TFCP2L1: variants seen among roughly 807,000 people sequenced by gnomAD.
The protein encoded by TFCP2L1 is transcription factor CP2-like protein 1.
TFCP2L1 carries 12 observed loss-of-function variants against 72.2 expected under a neutral mutation model. That is an observed-to-expected ratio of 0.17 (90% CI 0.11 to 0.27). TFCP2L1 has a LOEUF of 0.27. Among genes scored for constraint, TFCP2L1 ranks in the 10% least tolerant of loss-of-function variants. The pLI is 1.00. For synonymous variants in TFCP2L1, 260 were observed against 251.0 expected (o/e 1.04, Z -0.34); for missense variants, 488 against 624.6 (o/e 0.78, Z 2.33).
At chr2:121,278,577 T>C (rs1465394941) in intron 2 of TFCP2L1, among the ~76,000 whole-genome samples, 1 of 150,294 alleles carries the variant, frequency 6.7e-6, no homozygotes, top group East Asian at 2.0e-4. Flanking sequence ...TCCCAGCTAC[T>C]TGGGAGGCTG....
intron 6 of TFCP2L1, among the ~76,000 whole-genome samples, chr2:121,243,505 C>T (rs1486597978): frequency 6.6e-6 from 1 of 152,166 alleles, no homozygotes; most frequent in Non-Finnish European, 1.5e-5. Context: ...GGTGAGTGAG[C>T]GAAGCTTCAT....
chr2:121,242,990 G>C (rs77211885), intron 6 of TFCP2L1, among the ~76,000 whole-genome samples: 3,120 of 152,030 alleles, frequency 0.021, 95 homozygotes, highest in African/African-American at 0.07. Context: ...AACTTTCAAA[G>C]GGTGTACAGG....
At chr2:121,226,724 T>TA (rs926878396) in intron 13 of TFCP2L1, among the ~76,000 whole-genome samples, 3 of 152,276 alleles carry the variant, frequency 2.0e-5, no homozygotes, top group East Asian at 3.9e-4. Flanking sequence ...GCCCTATCTG[T>TA]AAAACAGGGC....
In TFCP2L1 at chr2:121,234,379, C is replaced by A. The variant is rs897659675; in HGVS notation, c.1095-185G>T. The A allele has an allele frequency of 1.2e-5, 7 of 591,086 alleles. No homozygotes were observed. The African/African-American group carries it at 1.3e-4, about 11-fold the overall frequency. 36.6% of individuals were successfully genotyped at this position (591,086 alleles called of 1,614,324 possible). A position where few individuals can be genotyped will look rare whatever the true frequency, so the allele number is the denominator to read the frequency against. On this transcript the variant is annotated intron_variant, in intron 11 of 14. Coordinates refer to ENST00000263707, the MANE Select transcript of TFCP2L1 (RefSeq NM_014553.3). The stretch of plus-strand genomic sequence containing the variant: ...AGGTCCCGCAGCCTGCCAAGGGGCA[C>A]TCTGCCCCAGACCATGAAGCTCAAC...
At position 121,240,551 on chromosome 2, in the gene TFCP2L1, T is replaced by C. The variant is rs982741955; in HGVS notation, c.769-902A>G. ...CCAAGGAGGAAAGCTGAACAGCTGATAGAAGTGGCAGCCGGTGCCTCCCAG... is the reference window on the plus strand; with the variant it reads ...CCAAGGAGGAAAGCTGAACAGCTGACAGAAGTGGCAGCCGGTGCCTCCCAG... On this transcript the variant is annotated intron_variant, in intron 7 of 14. Coordinates refer to ENST00000263707, the MANE Select transcript of TFCP2L1 (RefSeq NM_014553.3). 4.7e-5 allele frequency: 46 copies of C among 985,322 alleles called. No individual in the cohort carries two copies. The African/African-American group carries it at 5.8e-4, about 12-fold the overall frequency. 61.0% of individuals were successfully genotyped at this position (985,322 alleles called of 1,614,324 possible).
chr2:121,239,408 G>A (rs1234512355), intron 8 of TFCP2L1, 150 bp downstream of exon 8: 9 of 841,564 alleles, frequency 1.1e-5, no homozygotes, highest in Non-Finnish European at 1.5e-5. Context: ...TAAAAGTTGT[G>A]TAAATGCTGA....
chr2:121,246,890 C>T lies in TFCP2L1; in HGVS notation c.585G>A (p.Thr195=), dbSNP rs148066295. Residue 195 remains threonine, a synonymous_variant, in exon 6 of 15, where the codon ACG becomes ACA. Transcript: ENST00000263707. ...ACTCCCCATTCTCGTTCTGCTTAAACGTGTCAATCTGGACTCGAAAGGGCA... is the reference window on the plus strand; with the variant it reads ...ACTCCCCATTCTCGTTCTGCTTAAATGTGTCAATCTGGACTCGAAAGGGCA... The part of the protein sequence containing the change: ...KGVPFRVQID[T]FKQNENGEYT... 1.2e-3 allele frequency: 1,940 copies of T among 1,614,168 alleles called. 3 individuals are homozygous for T. Among genetic ancestry groups the T allele is most frequent in the Non-Finnish European group, 1.5e-3 (1,777 of 1,180,016 alleles).
Position 121,246,945 on chromosome 2 carries a change from G to A in TFCP2L1, c.530C>T (p.Thr177Ile). ...CTTCTCGCCCCCGTGCTTCCTGGGG[G>A]TGAATTCTGTGCTGATGCAGTGTAC... ...IQVHCISTEFTPRKHGGEKGV... is the reference protein window; with the variant it reads ...IQVHCISTEFIPRKHGGEKGV... The change falls in exon 6 of 15, where the codon ACC becomes ATC. Residue 177 changes from threonine to isoleucine, a missense_variant. Thr to Ile is a moderately conservative substitution (Grantham distance 89). Transcript: ENST00000263707. 6.2e-7 allele frequency: 1 copy of A among 1,614,174 alleles called. No individual in the cohort carries two copies.
chr2:121,249,169 C>A (rs1423723296), intron 3 of TFCP2L1, 82 bp from the exon 4 acceptor site: 14 of 1,116,944 alleles, frequency 1.3e-5, no homozygotes, highest in African/African-American at 1.6e-5. Context: ...CCACAGTAAA[C>A]CCTCCCACCT....
At chr2:121,263,324 C>T (rs1686861463) in intron 2 of TFCP2L1, among the ~76,000 whole-genome samples, 2 of 151,916 alleles carry the variant, frequency 1.3e-5, no homozygotes, top group Non-Finnish European at 2.9e-5. Flanking sequence ...AGTAGATGAA[C>T]AATATGAAAC....
intron 1 of TFCP2L1, 83 bp downstream of exon 1, chr2:121,284,965 C>G: frequency 8.0e-7 from 1 of 1,243,060 alleles, no homozygotes; most frequent in Non-Finnish European, 1.0e-6. Context: ...AGCAGGGGCG[C>G]CCCCTCTCCG....
chr2:121,233,412 G>A (rs188563364), intron 12 of TFCP2L1, among the ~76,000 whole-genome samples: 61 of 152,216 alleles, frequency 4.0e-4, no homozygotes, highest in Non-Finnish European at 6.8e-4. Flanking sequence ...TGATCTGCCC[G>A]CCTTGGCCTC....
chr2:121,240,016 T>C (rs1686335062), intron 7 of TFCP2L1: 19 of 983,134 alleles, frequency 1.9e-5, no homozygotes, highest in Non-Finnish European at 2.3e-5. Flanking sequence ...GAGAGACAAA[T>C]TCGTGTAAAT....
At chr2:121,234,002 C>T in intron 12 of TFCP2L1, 89 bp downstream of exon 12, 2 of 1,197,182 alleles carry the variant, frequency 1.7e-6, no homozygotes, top group Non-Finnish European at 1.2e-6. Flanking sequence ...TGCACATTCA[C>T]TGGAAATGAA....
chr2:121,229,182 G>T (rs1311099083), intron 13 of TFCP2L1, among the ~76,000 whole-genome samples: 2 of 152,068 alleles, frequency 1.3e-5, no homozygotes, highest in Non-Finnish European at 2.9e-5. Context: ...CTCCCAAAGT[G>T]CTGGGATTAC....
rs1300114998 is a variant in TFCP2L1, at chr2:121,246,803, G to C, written c.657+15C>G. ...CCAGCAGCAGGGCACGGCAGAGCCT[G>C]CGAAGCCATCCTACCTTGAACACCT... On this transcript the variant is annotated intron_variant, in intron 6 of 14. Transcript: ENST00000263707. 1 of 1,614,024 alleles carries C rather than the reference G, an allele frequency of 6.2e-7. No homozygotes were observed. Among genetic ancestry groups the C allele is most frequent in the East Asian group, 2.2e-5 (1 of 44,872 alleles).
intron 4 of TFCP2L1, among the ~76,000 whole-genome samples, 166 bp from the exon 5 acceptor site, chr2:121,248,436 C>T (rs1686534619): frequency 6.6e-6 from 1 of 152,236 alleles, no homozygotes. Context: ...ACCTGAACCA[C>T]AAGCGCTGTG....
rs1215607100 is a variant in TFCP2L1, at chr2:121,231,919, C to T, written c.1248G>A (p.Glu416=). ...AGATGCTGTACAGGTTGGCGATCTT[C>T]TCAATCAGCTCCAAGGTGGTCAGCT... The part of the protein sequence containing the change: ...LEELTTLELI[E]KIANLYSISP... Residue 416 remains glutamate, a synonymous_variant, in exon 13 of 15, where the codon GAG becomes GAA. Coordinates refer to ENST00000263707, the MANE Select transcript of TFCP2L1 (RefSeq NM_014553.3). 6.2e-7 allele frequency: 1 copy of T among 1,612,964 alleles called. No homozygotes were observed. Among genetic ancestry groups the T allele is most frequent in the African/African-American group, 1.3e-5 (1 of 74,916 alleles).
chr2:121,257,909 T>C (rs184665308), intron 2 of TFCP2L1, among the ~76,000 whole-genome samples: 41 of 152,080 alleles, frequency 2.7e-4, no homozygotes, highest in African/African-American at 7.7e-4. Flanking sequence ...AGCCCCTCAA[T>C]GGACAACGGA....
Sources: gnomAD v4.1 joint callset for allele counts (sites outside exome capture counted in the v4.1 genomes callset) on GRCh38, gnomAD v4.1.1 for gene constraint, MANE v1.5 for transcripts, NCBI Gene and HGNC (gene_info 2026-07-23, HGNC 2026-07-21) for gene names.